Variants in HSPG2 observed in about 807,000 individuals in gnomAD.
The protein encoded by HSPG2 is basement membrane-specific heparan sulfate proteoglycan core protein.
Under a neutral mutation model 526.6 loss-of-function variants are expected in HSPG2, and 278 were observed. That is an observed-to-expected ratio of 0.53 (90% CI 0.48 to 0.58). The LOEUF (loss-of-function observed/expected upper bound fraction) is 0.58, where lower values mean the gene tolerates loss of function less well. HSPG2 is among the 20% of genes least tolerant of loss of function. The pLI is 0.00. For synonymous variants in HSPG2, 2,465 were observed against 2,555.4 expected (o/e 0.96, Z 1.07); for missense variants, 5,354 against 6,099.5 (o/e 0.88, Z 4.07).
chr1:21,849,046 AG>A lies in HSPG2; in HGVS notation c.7447-16del, dbSNP rs1638681679. 1 of 1,612,906 alleles carries A rather than the reference AG, an allele frequency of 6.2e-7. No individual in the cohort carries two copies. The highest frequency in any genetic ancestry group is 8.5e-7 in the Non-Finnish European group (1 of 1,179,484). ...GAGCCATGCACCTGGGAGGGTCAGG[AG>A]GGAGGAGGCAGGCTCAGAGCTGGGC... On this transcript the variant is annotated splice_polypyrimidine_tract_variant and intron_variant, in intron 57 of 96. Coordinates refer to ENST00000374695, the MANE Select transcript of HSPG2 (RefSeq NM_005529.7).
rs1466468410 is a variant in HSPG2, at chr1:21,872,175, C to A, written c.4221+11G>T. ...AGTCACGGCTGACCCTGGTGCTTGG[C>A]TGGGGCCCACCTTGTCTCCCTGGTA... On this transcript the variant is annotated intron_variant, in intron 33 of 96. Coordinates refer to ENST00000374695, the MANE Select transcript of HSPG2 (RefSeq NM_005529.7). This position sits in a 1 kb window ranked among gnomAD's most constrained non-coding sequence, Gnocchi z 5.5. 1.3e-6 allele frequency: 2 copies of A among 1,551,614 alleles called. No homozygotes were observed. Among genetic ancestry groups the A allele is most frequent in the East Asian group, 4.9e-5 (2 of 40,930 alleles).
At position 21,859,767 on chromosome 1, in the gene HSPG2, G is replaced by A; in HGVS notation, c.5182+68C>T. 3 of 1,595,058 alleles carry A rather than the reference G, an allele frequency of 1.9e-6. No individual in the cohort carries two copies. In the South Asian group the frequency reaches 3.4e-5, roughly 18 times the overall value. On this transcript the variant is annotated intron_variant, in intron 41 of 96. Transcript: ENST00000374695. This position sits in a 1 kb window ranked among gnomAD's most constrained non-coding sequence, Gnocchi z 5.3. Reference sequence around the variant, plus strand: ...CAAGGACAGCATCCCACTAGGGCAGGGACAGGCCCCTGCCTCCCCTCCCAC... The same window carrying A: ...CAAGGACAGCATCCCACTAGGGCAGAGACAGGCCCCTGCCTCCCCTCCCAC...
intron 91 of HSPG2, 143 bp downstream of exon 91, chr1:21,827,720 T>C (rs1451326871): frequency 6.3e-6 from 6 of 945,698 alleles, no homozygotes; most frequent in Non-Finnish European, 9.8e-6. Flanking sequence ...TAGCTCCACA[T>C]GGCTGTGGTC....
At chr1:21,886,362 TG>T (rs1289620739) in intron 9 of HSPG2, among the ~76,000 whole-genome samples, 2 of 52,366 alleles carry the variant, frequency 3.8e-5, no homozygotes, top group African/African-American at 1.4e-4. Context: ...GTCTGTGGCA[TG>T]GTGCAGCCTC....
chr1:21,915,120 C>A (rs1014490746), intron 1 of HSPG2, among the ~76,000 whole-genome samples: 1 of 152,230 alleles, frequency 6.6e-6, no homozygotes, highest in Non-Finnish European at 1.5e-5. Flanking sequence ...CTCACGGGCA[C>A]CCGGCCAGAT....
chr1:21,889,072 C>T (rs567578133), intron 6 of HSPG2, among the ~76,000 whole-genome samples: 8 of 152,234 alleles, frequency 5.3e-5, no homozygotes, highest in South Asian at 2.1e-4. Flanking sequence ...ACTACAGGCG[C>T]GCACCACCAC....
At chr1:21,925,531 G>A (rs1005421393) in intron 1 of HSPG2, among the ~76,000 whole-genome samples, 10 of 152,178 alleles carry the variant, frequency 6.6e-5, no homozygotes, top group Admixed American at 3.9e-4. Flanking sequence ...GAAGAATCAG[G>A]GTTCCCAGGG....
rs545161793 is a variant in HSPG2 at position 21,852,116 on chromosome 1, C to T, written c.6842G>A (p.Arg2281His). 153 of 1,613,790 alleles carry T rather than the reference C, an allele frequency of 9.5e-5. 1 individual carries two copies. The East Asian group carries it at 3.2e-3, about 34-fold the overall frequency. ...GTGCCGGGCAGGGAGGCTGCCCCCA[C>T]GCTTGTACCATGTGACCTGGGCGTG... ...QAHAQVTWYKRGGSLPARHQV... is the reference protein window; with the variant it reads ...QAHAQVTWYKHGGSLPARHQV... The change falls in exon 53 of 97, where the codon CGT becomes CAT. Residue 2281 changes from arginine (R) to histidine (H), a missense_variant. Arg to His is a conservative substitution (Grantham distance 29). Coordinates refer to ENST00000374695, the MANE Select transcript of HSPG2 (RefSeq NM_005529.7).
At position 21,937,266 on chromosome 1, in the gene HSPG2, C is replaced by CGCT; in HGVS notation, c.-50_-49insAGC. On this transcript the variant is annotated 5_prime_UTR_variant, in exon 1 of 97. Transcript: ENST00000374695. ...GCTCGCTCGCTCCGCGCCGCCCGCT[C>CGCT]CGCGCCGCCCGCAGCCGCCCGCTCG... 2 of 718,152 alleles carry CGCT rather than the reference C, an allele frequency of 2.8e-6. No homozygotes were observed. Among genetic ancestry groups the CGCT allele is most frequent in the Non-Finnish European group, 3.4e-6 (2 of 588,608 alleles). 44.5% of individuals were successfully genotyped at this position (718,152 alleles called of 1,614,324 possible).
At chr1:21,892,148 T>C (rs550385400) in intron 3 of HSPG2, among the ~76,000 whole-genome samples, 1 of 152,356 alleles carries the variant, frequency 6.6e-6, no homozygotes, top group East Asian at 1.9e-4. Context: ...ATTCTTGCTC[T>C]GTGGCTCAGG....
intron 3 of HSPG2, among the ~76,000 whole-genome samples, chr1:21,892,850 G>A (rs1489765365): frequency 2.6e-5 from 3 of 116,688 alleles, no homozygotes; most frequent in Non-Finnish European, 3.3e-5. Context: ...GTGACAGAGT[G>A]AGACTCCATC....
rs1377684290 is a variant in HSPG2, at chr1:21,885,600, C to T, written c.1079-149G>A. The T allele has an allele frequency of 3.4e-6, 3 of 891,304 alleles. No homozygotes were observed. The African/African-American group carries it at 4.9e-5, about 15-fold the overall frequency. The allele number at this position is 891,304 out of a possible 1,614,324, so 55.2% of individuals were successfully genotyped here. On this transcript the variant is annotated intron_variant, in intron 9 of 96. Coordinates refer to ENST00000374695, the MANE Select transcript of HSPG2 (RefSeq NM_005529.7). ...TGCACAACACTGTCCAACTCACAGC[C>T]AGCATGATGCGGCCACCAGCTGTCA...
chr1:21,922,042 C>A (rs527301285), intron 1 of HSPG2, among the ~76,000 whole-genome samples: 10 of 152,240 alleles, frequency 6.6e-5, no homozygotes, highest in African/African-American at 2.2e-4. Context: ...AGAACTGAGA[C>A]CCAGAGGTTT....
At chr1:21,852,572 G>T in intron 52 of HSPG2, 128 bp downstream of exon 52, 1 of 1,328,912 alleles carries the variant, frequency 7.5e-7, no homozygotes, top group Non-Finnish European at 1.1e-6. Context: ...GAGTCGGCCT[G>T]GGCAGGGCCC....
intron 39 of HSPG2, 43 bp from the exon 40 acceptor site, chr1:21,860,278 C>T (rs1285218915): frequency 6.4e-7 from 1 of 1,571,744 alleles, no homozygotes; most frequent in South Asian, 1.1e-5. Context: ...GCCTCAAGGG[C>T]CCCAGTGCCT....
intron 13 of HSPG2, among the ~76,000 whole-genome samples, chr1:21,882,764 C>G (rs1641610528): frequency 6.6e-6 from 1 of 152,090 alleles, no homozygotes; most frequent in African/African-American, 2.4e-5. Context: ...CGTACAACCT[C>G]CAAAGGCCGT....
rs780632606 is a variant in HSPG2, at chr1:21,839,070, G to C, written c.9905C>G (p.Thr3302Ser). The change falls in exon 74 of 97, where the codon ACC becomes AGC. Residue 3302 changes from threonine (T) to serine (S), a missense_variant. Coordinates refer to ENST00000374695, the MANE Select transcript of HSPG2 (RefSeq NM_005529.7). This position sits in a 1 kb window ranked among gnomAD's most constrained non-coding sequence, Gnocchi z 4.5. ...CACCGAAGCGTGCTCTGGGACCGTGGTGGCATATGGTGGGCCTGAGTGGGG... is the reference window on the plus strand; with the variant it reads ...CACCGAAGCGTGCTCTGGGACCGTGCTGGCATATGGTGGGCCTGAGTGGGG... ...ILHVESPPYA[T>S]TVPEHASVQA... 1.1e-5 allele frequency: 17 copies of C among 1,584,482 alleles called. No individual in the cohort carries two copies. The South Asian group carries it at 1.9e-4, about 18-fold the overall frequency.
intron 3 of HSPG2, among the ~76,000 whole-genome samples, chr1:21,892,862 C>CAAAA (rs564802827): frequency 9.9e-4 from 103 of 103,848 alleles, no homozygotes; most frequent in African/African-American, 3.8e-3. Flanking sequence ...GACTCCATCT[C>CAAAA]AAAAAAAAAA....
intron 49 of HSPG2, 107 bp from the exon 50 acceptor site, chr1:21,854,450 C>A: frequency 6.7e-7 from 1 of 1,481,960 alleles, no homozygotes; most frequent in South Asian, 1.3e-5. Context: ...CTGCTCCGAG[C>A]CATCCCATGC....
Sources: allele counts gnomAD v4.1 joint callset (sites outside exome capture counted in the v4.1 genomes callset), GRCh38; gene constraint gnomAD v4.1.1; non-coding constraint Gnocchi (gnomAD v3.1); transcripts MANE v1.5; gene names NCBI Gene and HGNC (gene_info 2026-07-23, HGNC 2026-07-21).